Variants in NSUN6 observed in about 807,000 individuals in gnomAD.
NSUN6 encodes the protein tRNA (cytosine(72)-C(5))-methyltransferase NSUN6.
In NSUN6, 64 loss-of-function variants were observed where a neutral mutation model predicts 58.0. The ratio of observed to expected loss-of-function variants is 1.10; its 90% CI spans 0.90 to 1.36. NSUN6 has a LOEUF of 1.36. NSUN6 is among the 40% of genes most tolerant of loss of function. The pLI is 0.00. For synonymous variants in NSUN6, 231 were observed against 193.9 expected (o/e 1.19, Z -1.59); for missense variants, 701 against 550.1 (o/e 1.27, Z -2.74).
upstream of NSUN6, among the ~76,000 whole-genome samples, chr10:18,656,108 T>C (rs1387739710): frequency 6.6e-6 from 1 of 152,180 alleles, no homozygotes. Flanking sequence ...GCATCAAAAA[T>C]TGTTGGTCTC....
chr10:18,628,634 C>G (rs2058914830), intron 3 of NSUN6, among the ~76,000 whole-genome samples: 1 of 152,000 alleles, frequency 6.6e-6, no homozygotes, highest in African/African-American at 2.4e-5. Flanking sequence ...CCAATGTGAT[C>G]AACTGGAAGA....
chr10:18,596,029 G>A (rs2057571428), intron 7 of NSUN6, among the ~76,000 whole-genome samples, 179 bp downstream of exon 7: 1 of 152,198 alleles, frequency 6.6e-6, no homozygotes, highest in East Asian at 1.9e-4. Context: ...TCTTGAGACA[G>A]TCTTCATAAA....
At chr10:18,559,582 A>AGAATG (rs1235955147) in intron 8 of NSUN6, among the ~76,000 whole-genome samples, 2 of 150,246 alleles carry the variant, frequency 1.3e-5, no homozygotes, top group African/African-American at 2.4e-5. Context: ...AATGCAATAG[A>AGAATG]GAATGGAATG....
chr10:18,566,739 C>A (rs2055986193), intron 8 of NSUN6, among the ~76,000 whole-genome samples: 1 of 150,432 alleles, frequency 6.6e-6, no homozygotes, highest in Admixed American at 6.7e-5. Context: ...CCATTCCATG[C>A]TCCATTCCAT....
At chr10:18,629,081 G>A (rs36173932) in intron 3 of NSUN6, among the ~76,000 whole-genome samples, 31,949 of 151,994 alleles carry the variant, frequency 0.21, 3,657 homozygotes, top group South Asian at 0.31. Context: ...CAAGCCAGAA[G>A]AGAGTGGGGG....
upstream of NSUN6, chr10:18,652,915 T>C (rs867335824): frequency 1.0e-6 from 1 of 985,104 alleles, no homozygotes; most frequent in Non-Finnish European, 1.2e-6. Flanking sequence ...CAACTCTCCA[T>C]GTTCTCACAA....
At chr10:18,574,487 C>G (rs559315724) in intron 8 of NSUN6, among the ~76,000 whole-genome samples, 2 of 152,146 alleles carry the variant, frequency 1.3e-5, no homozygotes, top group East Asian at 3.9e-4. Flanking sequence ...TTGACCAGAC[C>G]TAGAAGAAAC....
chr10:18,581,234 A>G (rs1475440654), intron 8 of NSUN6, among the ~76,000 whole-genome samples: 1 of 152,190 alleles, frequency 6.6e-6, no homozygotes, highest in Non-Finnish European at 1.5e-5. Context: ...ACTGGGCTGC[A>G]TTCCCAGTAA....
intron 8 of NSUN6, among the ~76,000 whole-genome samples, chr10:18,558,147 G>T (rs2055187820): frequency 6.6e-6 from 1 of 150,644 alleles, no homozygotes; most frequent in Admixed American, 6.7e-5. Context: ...CGAATAGAAT[G>T]GAATGAAGAA....
intron 3 of NSUN6, among the ~76,000 whole-genome samples, chr10:18,619,309 CG>C (rs1324684034): frequency 1.1e-4 from 16 of 152,178 alleles, no homozygotes; most frequent in Non-Finnish European, 2.2e-4. Flanking sequence ...ACCTTTATGA[CG>C]GAGGGAACTT....
intron 6 of NSUN6, among the ~76,000 whole-genome samples, chr10:18,597,559 C>T (rs972833500): frequency 2.0e-5 from 3 of 152,038 alleles, no homozygotes; most frequent in African/African-American, 4.8e-5. Context: ...TGCCTGAGGT[C>T]GGGAGTTTGA....
intron 8 of NSUN6, among the ~76,000 whole-genome samples, chr10:18,576,991 C>T (rs771071045): frequency 6.6e-6 from 1 of 152,170 alleles, no homozygotes; most frequent in Non-Finnish European, 1.5e-5. Flanking sequence ...AATACCAGAT[C>T]AATTTAAAGC....
chr10:18,582,985 C>T (rs1028996521), intron 8 of NSUN6, among the ~76,000 whole-genome samples: 27 of 152,164 alleles, frequency 1.8e-4, no homozygotes, highest in African/African-American at 6.5e-4. Context: ...GCCATTATAA[C>T]CCCTGTGACC....
chr10:18,547,262 G>T (rs1041594727), intron 10 of NSUN6, among the ~76,000 whole-genome samples: 4 of 152,172 alleles, frequency 2.6e-5, no homozygotes, highest in African/African-American at 9.6e-5. Flanking sequence ...ATATACTTAA[G>T]AAAACAGATC....
At chr10:18,578,950 A>G (rs2056785969) in intron 8 of NSUN6, among the ~76,000 whole-genome samples, 1 of 152,200 alleles carries the variant, frequency 6.6e-6, no homozygotes, top group Admixed American at 6.5e-5. Context: ...TGCATTCACC[A>G]CTTCTAATAT....
intron 2 of NSUN6, among the ~76,000 whole-genome samples, chr10:18,643,040 A>G (rs1281258286): frequency 6.6e-6 from 1 of 151,932 alleles, no homozygotes; most frequent in African/African-American, 2.4e-5. Flanking sequence ...AGGGAACCAG[A>G]AGATTATCAC....
chr10:18,628,630 T>G (rs373486639), intron 3 of NSUN6, among the ~76,000 whole-genome samples: 1 of 152,154 alleles, frequency 6.6e-6, no homozygotes, highest in Non-Finnish European at 1.5e-5. Flanking sequence ...GGAGCCAATG[T>G]GATCAACTGG....
intron 7 of NSUN6, among the ~76,000 whole-genome samples, chr10:18,587,841 C>T (rs2057225827): frequency 6.6e-6 from 1 of 152,022 alleles, no homozygotes; most frequent in Non-Finnish European, 1.5e-5. Context: ...AAGCACAAAA[C>T]TGGGCGGCCA....
chr10:18,567,926 T>C (rs1008616352), intron 8 of NSUN6, among the ~76,000 whole-genome samples: 1 of 151,528 alleles, frequency 6.6e-6, no homozygotes, highest in African/African-American at 2.4e-5. Context: ...CCATTTTCCA[T>C]TCCATTCTCC....
Sources: allele counts gnomAD v4.1 joint callset (sites outside exome capture counted in the v4.1 genomes callset), GRCh38; gene constraint gnomAD v4.1.1; transcripts MANE v1.5; gene names NCBI Gene and HGNC (gene_info 2026-07-23, HGNC 2026-07-21).